The following SPTLC2 variants were observed in gnomAD, a reference collection of about 807,000 sequenced individuals.
The protein encoded by SPTLC2 is serine palmitoyltransferase long chain base subunit 2, also known as serine palmitoyltransferase 2.
SPTLC2 carries 21 observed loss-of-function variants against 62.0 expected under a neutral mutation model. The observed-to-expected ratio is 0.34, with a 90% CI of 0.24 to 0.49. SPTLC2 has a LOEUF of 0.49. Among genes scored for constraint, SPTLC2 ranks in the 20% least tolerant of loss-of-function variants. The probability of loss-of-function intolerance (pLI) is 0.99; values close to 1 mark genes in which losing one functional copy is unlikely to be tolerated. For missense variants in SPTLC2, 511 were observed against 713.0 expected (o/e 0.72, Z 3.23); for synonymous variants, 261 against 261.8 (o/e 1.00, Z 0.03).
rs1194932438 is a variant in SPTLC2 at position 77,512,276 on chromosome 14, A to G, written c.*8T>C. On this transcript the variant is annotated 3_prime_UTR_variant, in exon 12 of 12. Coordinates refer to ENST00000216484, the MANE Select transcript of SPTLC2 (RefSeq NM_004863.4). Reference sequence around the variant, plus strand: ...GGGAGAGTTCCTCTGAGGGAGCACCAAAAAGGCTCAGTCTTCTGTTTCTTC... The same window carrying G: ...GGGAGAGTTCCTCTGAGGGAGCACCGAAAAGGCTCAGTCTTCTGTTTCTTC... 1 of 1,613,588 alleles carries G rather than the reference A, an allele frequency of 6.2e-7. No individual in the cohort carries two copies. The highest frequency in any genetic ancestry group is 2.2e-5 in the East Asian group (1 of 44,884).
At chr14:77,615,918 C>T (rs566523244) in intron 1 of SPTLC2, among the ~76,000 whole-genome samples, 1 of 152,316 alleles carries the variant, frequency 6.6e-6, no homozygotes, top group East Asian at 1.9e-4. Flanking sequence ...GACCAATGTC[C>T]TGGTTGGGGA....
At chr14:77,609,513 G>A (rs1434070059) in intron 1 of SPTLC2, among the ~76,000 whole-genome samples, 1 of 152,178 alleles carries the variant, frequency 6.6e-6, no homozygotes, top group East Asian at 1.9e-4. Flanking sequence ...GAAGCGGATG[G>A]ATCACTTAGG....
At chr14:77,579,848 GACATATATT>G (rs2079738171) in intron 2 of SPTLC2, among the ~76,000 whole-genome samples, 1 of 152,158 alleles carries the variant, frequency 6.6e-6, no homozygotes, top group Non-Finnish European at 1.5e-5. Context: ...TTTAATAGTT[GACATATATT>G]ACATGGTTTC....
chr14:77,570,473 C>A lies in SPTLC2; in HGVS notation c.667G>T (p.Val223Leu). 1 of 1,613,978 alleles carries A rather than the reference C, an allele frequency of 6.2e-7. No homozygotes were observed. Among genetic ancestry groups the A allele is most frequent in the South Asian group, 1.1e-5 (1 of 91,082 alleles). Reference protein sequence around the residue: ...LDKHEELEELVARFLGVEAAM... With the variant: ...LDKHEELEELLARFLGVEAAM... ...GCTTCTACTCCTAAGAACCTTGCTACAAGCTCCTCTAGTTCTTCATGCTTG... is the reference window on the plus strand; with the variant it reads ...GCTTCTACTCCTAAGAACCTTGCTAAAAGCTCCTCTAGTTCTTCATGCTTG... The change falls in exon 5 of 12, where the codon GTA becomes TTA. Residue 223 changes from valine to leucine, a missense_variant. Coordinates refer to ENST00000216484, the MANE Select transcript of SPTLC2 (RefSeq NM_004863.4).
intron 4 of SPTLC2, among the ~76,000 whole-genome samples, chr14:77,573,352 T>A (rs139363702): frequency 2.2e-4 from 33 of 152,218 alleles, no homozygotes; most frequent in Non-Finnish European, 3.4e-4. Flanking sequence ...TCCCAACATA[T>A]AGAAATAATA....
chr14:77,509,837 T>C lies in SPTLC2; in HGVS notation c.*2447A>G, dbSNP rs2079323361. On this transcript the variant is annotated 3_prime_UTR_variant, in exon 12 of 12. Transcript: ENST00000216484. Reference sequence around the variant, plus strand: ...GGAGATTTGTCTCTTCAAAATAAACTTGTAACAAAATTACACTTATCTTGA... The same window carrying C: ...GGAGATTTGTCTCTTCAAAATAAACCTGTAACAAAATTACACTTATCTTGA... The C allele has an allele frequency of 2.5e-6, 1 of 398,272 alleles. No homozygotes were observed. Among genetic ancestry groups the C allele is most frequent in the Non-Finnish European group, 4.4e-6 (1 of 225,954 alleles). 24.7% of individuals were successfully genotyped at this position (398,272 alleles called of 1,614,324 possible).
intron 6 of SPTLC2, among the ~76,000 whole-genome samples, chr14:77,560,699 T>C (rs2079610081): frequency 6.6e-6 from 1 of 151,868 alleles, no homozygotes; most frequent in Admixed American, 6.6e-5. Flanking sequence ...TGAGATCATG[T>C]CCTTTGCAGC....
chr14:77,521,297 A>C (rs1181336916), intron 10 of SPTLC2, 149 bp downstream of exon 10: 1 of 969,076 alleles, frequency 1.0e-6, no homozygotes, highest in African/African-American at 1.6e-5. Flanking sequence ...ACAATTTGGA[A>C]TCCACTATTT....
chr14:77,587,553 G>A (rs951710280), intron 2 of SPTLC2, among the ~76,000 whole-genome samples: 3 of 151,996 alleles, frequency 2.0e-5, no homozygotes, highest in African/African-American at 7.2e-5. Context: ...GATCACCTGA[G>A]GTCAGGAGTT....
intron 2 of SPTLC2, among the ~76,000 whole-genome samples, chr14:77,596,510 TAAAC>T (rs35256162): frequency 4.3e-4 from 65 of 150,988 alleles, no homozygotes; most frequent in South Asian, 2.1e-3. Context: ...TCTCAAAAAA[TAAAC>T]AAACAAACAA....
Position 77,506,040 on chromosome 14 carries a change from T to C in SPTLC2, c.*6244A>G, listed in dbSNP as rs1016744964. ...ATTAGGGCAAAACAAGATATTTGCA[T>C]GGGATGCTTCTTAAGTCATCTCAAG... On this transcript the variant is annotated 3_prime_UTR_variant, in exon 12 of 12. Transcript: ENST00000216484. The C allele has an allele frequency of 3.3e-5, 5 of 152,248 alleles. No homozygotes were observed. Among genetic ancestry groups the C allele is most frequent in the African/African-American group, 1.2e-4 (5 of 41,470 alleles). The allele number at this position is 152,248 out of a possible 1,614,324, so 9.4% of individuals were successfully genotyped here.
Position 77,529,079 on chromosome 14 carries a change from C to T in SPTLC2, c.1304-7498G>A, listed in dbSNP as rs775637659. ...TCTTGAACGTCTGACCTCAAGTGAT[C>T]CACCCACCTCAGCCTCCCAAAATGC... is the stretch of plus-strand genomic sequence containing the variant. On this transcript the variant is annotated intron_variant, in intron 9 of 11. Transcript: ENST00000216484. Among the ~76,000 whole-genome samples, 12 of 152,162 alleles carry T rather than the reference C, an allele frequency of 7.9e-5. No homozygotes were observed. The East Asian group carries it at 1.5e-3, about 20-fold the overall frequency.
At chr14:77,596,966 C>T (rs1009492914) in intron 2 of SPTLC2, among the ~76,000 whole-genome samples, 3 of 152,188 alleles carry the variant, frequency 2.0e-5, no homozygotes, top group African/African-American at 7.2e-5. Context: ...GTGCCGCCCA[C>T]CTCCTTAGGT....
In SPTLC2 at chr14:77,566,243, ACTTATT is replaced by A. The variant is rs376640530; in HGVS notation, c.757-3760_757-3755del. 2.2e-4 allele frequency among the ~76,000 whole-genome samples: 33 copies of A among 152,272 alleles called. 1 individual carries two copies. Among genetic ancestry groups the A allele is most frequent in the African/African-American group, 7.9e-4 (33 of 41,558 alleles). On this transcript the variant is annotated intron_variant, in intron 5 of 11. Transcript: ENST00000216484. ...TATCAATCTGTCTTTTTCCCTTAGA[ACTTATT>A]CTTAAGCTTTATTAAATCTTTGGTT...
chr14:77,524,310 G>A (rs1040385674), intron 9 of SPTLC2, among the ~76,000 whole-genome samples: 2 of 151,902 alleles, frequency 1.3e-5, no homozygotes, highest in South Asian at 2.1e-4. Flanking sequence ...CAGGAGGGAC[G>A]ATGAAAATAT....
intron 2 of SPTLC2, among the ~76,000 whole-genome samples, chr14:77,580,453 G>A (rs1389567833): frequency 6.7e-6 from 1 of 149,476 alleles, no homozygotes; most frequent in Non-Finnish European, 1.5e-5. Context: ...ACTCCAGCCT[G>A]GGCAACAGAA....
intron 9 of SPTLC2, among the ~76,000 whole-genome samples, chr14:77,529,473 C>T (rs1307392523): frequency 6.6e-6 from 1 of 151,666 alleles, no homozygotes; most frequent in Non-Finnish European, 1.5e-5. Flanking sequence ...AAGCAAACTA[C>T]GTTTTCAAAG....
chr14:77,567,131 C>T (rs1164926602), intron 5 of SPTLC2, among the ~76,000 whole-genome samples: 3 of 152,140 alleles, frequency 2.0e-5, no homozygotes, highest in South Asian at 2.1e-4. Context: ...CCACCACGCC[C>T]GGCTAATTTG....
intron 6 of SPTLC2, among the ~76,000 whole-genome samples, chr14:77,558,051 CT>C (rs34550215): frequency 0.46 from 66,752 of 144,528 alleles, 14,812 homozygotes; most frequent in Middle Eastern, 0.54. Context: ...ATCATAAAAT[CT>C]TTTTTTTTTT....
Sources: allele counts gnomAD v4.1 joint callset (sites outside exome capture counted in the v4.1 genomes callset), GRCh38; gene constraint gnomAD v4.1.1; transcripts MANE v1.5; gene names NCBI Gene and HGNC (gene_info 2026-07-23, HGNC 2026-07-21).